Variants in KCTD1 observed in about 807,000 individuals in gnomAD.
KCTD1 encodes the protein potassium channel tetramerization domain containing 1, also known as BTB/POZ domain-containing protein KCTD1.
KCTD1 carries 24 observed loss-of-function variants against 66.0 expected under a neutral mutation model. The ratio of observed to expected loss-of-function variants is 0.36; its 90% CI spans 0.26 to 0.51. The LOEUF is 0.51. Among genes scored for constraint, KCTD1 ranks in the 20% least tolerant of loss-of-function variants. KCTD1 has a pLI of 0.95. For synonymous variants in KCTD1, 511 were observed against 517.2 expected (o/e 0.99, Z 0.16); for missense variants, 943 against 1,205.2 (o/e 0.78, Z 3.22).
chr18:26,574,183 C>T (rs1435021514), intron 1 of KCTD1, among the ~76,000 whole-genome samples: 1 of 152,210 alleles, frequency 6.6e-6, no homozygotes, highest in East Asian at 1.9e-4. Flanking sequence ...AGCTTTTTAA[C>T]AGTGCTGCCT....
intron 2 of KCTD1, among the ~76,000 whole-genome samples, chr18:26,496,740 GCACACA>G (rs111233653): frequency 2.0e-5 from 3 of 148,094 alleles, no homozygotes; most frequent in South Asian, 2.2e-4. Flanking sequence ...AAAAGCATGT[GCACACA>G]CACACACACA....
intron 1 of KCTD1, among the ~76,000 whole-genome samples, chr18:26,645,747 T>C (rs967628419): frequency 2.6e-5 from 4 of 152,168 alleles, no homozygotes; most frequent in African/African-American, 9.7e-5. Flanking sequence ...GGGTCGACTT[T>C]ACCCCTAAAA....
intron 1 of KCTD1, among the ~76,000 whole-genome samples, chr18:26,531,972 G>C (rs987673653): frequency 7.2e-5 from 11 of 152,280 alleles, no homozygotes; most frequent in African/African-American, 1.9e-4. Context: ...TTATAAGAAT[G>C]GGGGAGAAAG....
upstream of KCTD1, among the ~76,000 whole-genome samples, chr18:26,641,949 A>T (rs998422685): frequency 6.6e-6 from 1 of 152,164 alleles, no homozygotes; most frequent in Non-Finnish European, 1.5e-5. Flanking sequence ...ACCAGTAATA[A>T]TTATACTGAC....
chr18:26,551,455 T>C (rs559057143), upstream of KCTD1, among the ~76,000 whole-genome samples: 1 of 152,268 alleles, frequency 6.6e-6, no homozygotes, highest in African/African-American at 2.4e-5. Flanking sequence ...TTGGAAAGTA[T>C]GCCTTGGCCT....
chr18:26,653,371 T>C (rs953036503), intron 1 of KCTD1, among the ~76,000 whole-genome samples: 5 of 152,234 alleles, frequency 3.3e-5, no homozygotes, highest in Admixed American at 3.3e-4. Flanking sequence ...CTGTCTCTCT[T>C]GCCCAGGCCC....
intron 3 of KCTD1, among the ~76,000 whole-genome samples, chr18:26,470,120 A>C (rs1194514000): frequency 1.3e-5 from 2 of 152,184 alleles, no homozygotes; most frequent in Non-Finnish European, 2.9e-5. Context: ...CTATTTACCC[A>C]TCCATGCGTT....
At chr18:26,653,626 C>G (rs774971679) in intron 1 of KCTD1, among the ~76,000 whole-genome samples, 1 of 152,228 alleles carries the variant, frequency 6.6e-6, no homozygotes, top group African/African-American at 2.4e-5. Flanking sequence ...AGTTCCTATA[C>G]AGCAAGCACA....
chr18:26,609,828 A>T (rs1987095010), intron 1 of KCTD1, among the ~76,000 whole-genome samples: 1 of 152,232 alleles, frequency 6.6e-6, no homozygotes, highest in East Asian at 1.9e-4. Flanking sequence ...TTTAAATTCC[A>T]CCGGCTCCAG....
At chr18:26,638,325 C>A (rs1418011862) in intron 1 of KCTD1, among the ~76,000 whole-genome samples, 1 of 152,038 alleles carries the variant, frequency 6.6e-6, no homozygotes, top group East Asian at 1.9e-4. Context: ...TATCTCCCAC[C>A]AAAATTTTTC....
chr18:26,524,036 AG>A (rs1984040432), intron 1 of KCTD1, among the ~76,000 whole-genome samples: 1 of 152,222 alleles, frequency 6.6e-6, no homozygotes, highest in Non-Finnish European at 1.5e-5. Flanking sequence ...GAGACAATGT[AG>A]GGGACAAGAG....
At chr18:26,550,475 C>T (rs73944622), upstream of KCTD1, among the ~76,000 whole-genome samples, 3,898 of 152,052 alleles carry the variant, frequency 0.026, 187 homozygotes, top group African/African-American at 0.089. This position sits in a 1 kb window ranked among gnomAD's most constrained non-coding sequence, Gnocchi z 5.4. Context: ...ACCCGAGCTT[C>T]GGGGAAACCG....
At chr18:26,506,096 G>A (rs780168063) in intron 1 of KCTD1, among the ~76,000 whole-genome samples, 4 of 151,942 alleles carry the variant, frequency 2.6e-5, no homozygotes, top group Non-Finnish European at 2.9e-5. Context: ...TGCCCAGGCT[G>A]GTCTCGAACT....
At chr18:26,565,630 G>T (rs188460182) in intron 1 of KCTD1, 2 of 151,840 alleles carry the variant, frequency 1.3e-5, no homozygotes, top group South Asian at 4.2e-4. Context: ...GAATTAGACT[G>T]TCTTTAATTT....
intron 2 of KCTD1, among the ~76,000 whole-genome samples, chr18:26,488,506 G>A (rs976206644): frequency 1.3e-5 from 2 of 151,890 alleles, no homozygotes; most frequent in Non-Finnish European, 2.9e-5. Flanking sequence ...TCAATTTTTG[G>A]CGGGGTGGGA....
intron 1 of KCTD1, chr18:26,599,287 G>T: frequency 2.4e-6 from 2 of 830,010 alleles, no homozygotes; most frequent in Non-Finnish European, 1.9e-6. Context: ...CCATTGAATT[G>T]TTTGGTGCTC....
chr18:26,486,903 T>C (rs939026560), intron 2 of KCTD1, among the ~76,000 whole-genome samples: 9 of 152,326 alleles, frequency 5.9e-5, no homozygotes, highest in African/African-American at 1.9e-4. Context: ...ATCTTTTGCT[T>C]TTTACCTATA....
Position 26,476,914 on chromosome 18 carries a change from G to A in KCTD1, c.1989-255C>T. On this transcript the variant is annotated intron_variant, in intron 2 of 4. Coordinates refer to ENST00000580059, the MANE Select transcript of KCTD1 (RefSeq NM_001142730.3). The surrounding 1 kb of genome is among the most constrained non-coding windows in gnomAD (Gnocchi z 4.9). ...CCTGCAAAGAAAATGTTCCTGACAT[G>A]GTGATTACGGCTAAGTGCTGTCACT... 7.4e-6 allele frequency: 3 copies of A among 403,082 alleles called. No homozygotes were observed. The South Asian group carries it at 1.1e-4, about 15-fold the overall frequency. The allele number at this position is 403,082 out of a possible 1,614,324, so 25.0% of individuals were successfully genotyped here.
intron 1 of KCTD1, among the ~76,000 whole-genome samples, chr18:26,583,362 C>G (rs1222582679): frequency 1.4e-5 from 2 of 137,974 alleles, no homozygotes; most frequent in African/African-American, 5.5e-5. Context: ...TAATTGCACG[C>G]CAATCTGGGT....
Sources: gnomAD v4.1 joint callset for allele counts (sites outside exome capture counted in the v4.1 genomes callset) on GRCh38, gnomAD v4.1.1 for gene constraint, Gnocchi (gnomAD v3.1) non-coding constraint, MANE v1.5 for transcripts, NCBI Gene and HGNC (gene_info 2026-07-23, HGNC 2026-07-21) for gene names.